Variants in PCSK5 observed in about 807,000 individuals in gnomAD.
PCSK5 encodes proprotein convertase subtilisin/kexin type 5.
PCSK5 carries 129 observed loss-of-function variants against 233.2 expected under a neutral mutation model. That is an observed-to-expected ratio of 0.55 (90% CI 0.48 to 0.64). The LOEUF is 0.64. Ranked by LOEUF, PCSK5 falls within the 30% of genes least tolerant of loss-of-function variation. PCSK5 has a pLI of 0.00. For missense variants in PCSK5, 2,076 were observed against 2,430.1 expected (o/e 0.85, Z 3.06); for synonymous variants, 825 against 879.2 (o/e 0.94, Z 1.09).
chr9:76,118,278 T>G (rs1278444760), intron 9 of PCSK5, among the ~76,000 whole-genome samples: 1 of 152,026 alleles, frequency 6.6e-6, no homozygotes, highest in East Asian at 1.9e-4. Flanking sequence ...ACAATGGCAA[T>G]GTAGGTTATT....
intron 3 of PCSK5, among the ~76,000 whole-genome samples, chr9:76,008,127 T>A (rs1017121229): frequency 5.9e-5 from 9 of 152,082 alleles, no homozygotes; most frequent in Non-Finnish European, 1.2e-4. Flanking sequence ...TATTTGTGTC[T>A]CACCATTACT....
intron 9 of PCSK5, among the ~76,000 whole-genome samples, chr9:76,118,101 A>G (rs1832499167): frequency 6.6e-6 from 1 of 152,086 alleles, no homozygotes. Flanking sequence ...TATAATTTTC[A>G]TTGTGCTAAA....
At chr9:76,208,967 G>A (rs930069261) in intron 20 of PCSK5, among the ~76,000 whole-genome samples, 1 of 152,106 alleles carries the variant, frequency 6.6e-6, no homozygotes, top group African/African-American at 2.4e-5. Context: ...TTCTCTCCAT[G>A]AACTTCAATA....
intron 10 of PCSK5, among the ~76,000 whole-genome samples, chr9:76,151,160 C>T (rs1373602915): frequency 6.6e-6 from 1 of 152,058 alleles, no homozygotes; most frequent in Non-Finnish European, 1.5e-5. Context: ...GGCACAGGGT[C>T]CCTGGTGGGA....
intron 24 of PCSK5, among the ~76,000 whole-genome samples, chr9:76,277,476 C>T (rs995783582): frequency 6.6e-6 from 1 of 152,132 alleles, no homozygotes; most frequent in African/African-American, 2.4e-5. Context: ...AGACTAGAGA[C>T]CAATAGAAGA....
chr9:76,352,369 C>T (rs1443234678), intron 36 of PCSK5, among the ~76,000 whole-genome samples: 3 of 152,114 alleles, frequency 2.0e-5, no homozygotes, highest in Non-Finnish European at 4.4e-5. Context: ...ATCAGCAAGG[C>T]CTTTATGATC....
At chr9:75,906,853 T>C (rs186026832) in intron 1 of PCSK5, among the ~76,000 whole-genome samples, 2 of 152,350 alleles carry the variant, frequency 1.3e-5, no homozygotes, top group East Asian at 3.9e-4. Context: ...ACTCATTCCC[T>C]TGATAAAGCT....
intron 17 of PCSK5, among the ~76,000 whole-genome samples, chr9:76,188,277 G>A (rs1213477484): frequency 2.0e-5 from 3 of 151,342 alleles, no homozygotes; most frequent in African/African-American, 4.8e-5. Flanking sequence ...TAAAACCTCT[G>A]GGTTGTAAGA....
chr9:76,033,082 T>C (rs775970063), intron 5 of PCSK5, among the ~76,000 whole-genome samples: 1 of 152,242 alleles, frequency 6.6e-6, no homozygotes, highest in African/African-American at 2.4e-5. Flanking sequence ...ACATCATTTC[T>C]GGTTTTACGA....
chr9:76,280,705 C>A (rs570895025), intron 24 of PCSK5, among the ~76,000 whole-genome samples: 1 of 152,068 alleles, frequency 6.6e-6, no homozygotes, highest in East Asian at 1.9e-4. Flanking sequence ...CACTGCACTC[C>A]AGCCTGAGTG....
chr9:76,057,998 A>C (rs1219784719), intron 5 of PCSK5, among the ~76,000 whole-genome samples: 1 of 151,952 alleles, frequency 6.6e-6, no homozygotes, highest in Non-Finnish European at 1.5e-5. Flanking sequence ...CACTATGCCC[A>C]GCTAATTTAT....
At chr9:76,130,722 T>C (rs1409341795) in intron 9 of PCSK5, among the ~76,000 whole-genome samples, 2 of 152,186 alleles carry the variant, frequency 1.3e-5, no homozygotes, top group Non-Finnish European at 2.9e-5. Flanking sequence ...TGAAAGGTCA[T>C]AGATGGCTAC....
intron 9 of PCSK5, among the ~76,000 whole-genome samples, chr9:76,119,138 T>C (rs116565731): frequency 0.014 from 2,097 of 152,176 alleles, 51 homozygotes; most frequent in African/African-American, 0.048. Context: ...AGTATTCAAA[T>C]TGAATTTCAA....
chr9:76,194,001 T>C (rs1824559496), intron 20 of PCSK5: 1 of 152,438 alleles, frequency 6.6e-6, no homozygotes, highest in African/African-American at 2.4e-5. Context: ...ACTTGATAAG[T>C]CTGCTCCACT....
intron 24 of PCSK5, among the ~76,000 whole-genome samples, chr9:76,278,928 A>T (rs1827776703): frequency 1.3e-5 from 2 of 152,066 alleles, no homozygotes; most frequent in South Asian, 4.2e-4. Flanking sequence ...TTTTTTTATT[A>T]TACTTTAAGT....
intron 3 of PCSK5, among the ~76,000 whole-genome samples, chr9:76,018,528 T>C (rs570660400): frequency 6.6e-6 from 1 of 152,214 alleles, no homozygotes; most frequent in East Asian, 1.9e-4. Context: ...GTGCTTCTTA[T>C]GAGAATCTAA....
intron 35 of PCSK5, among the ~76,000 whole-genome samples, chr9:76,340,639 C>CAA (rs57319222): frequency 0.015 from 1,457 of 95,322 alleles, 49 homozygotes; most frequent in African/African-American, 0.056. Context: ...ACGAGACTGT[C>CAA]AAAAAAAAAA....
At chr9:76,216,711 A>T (rs572649080) in intron 20 of PCSK5, among the ~76,000 whole-genome samples, 1 of 152,288 alleles carries the variant, frequency 6.6e-6, no homozygotes, top group East Asian at 1.9e-4. Context: ...GCCAAATAGA[A>T]CCATGCCTGG....
At chr9:75,903,095 C>G (rs1242739545) in intron 1 of PCSK5, among the ~76,000 whole-genome samples, 1 of 152,162 alleles carries the variant, frequency 6.6e-6, no homozygotes, top group Non-Finnish European at 1.5e-5. Context: ...AATTTATTCA[C>G]ATTTCATGTA....
Sources: gnomAD v4.1 joint callset for allele counts (sites outside exome capture counted in the v4.1 genomes callset) on GRCh38, gnomAD v4.1.1 for gene constraint, MANE v1.5 for transcripts, NCBI Gene and HGNC (gene_info 2026-07-23, HGNC 2026-07-21) for gene names.